The following ACSS3 variants were observed in gnomAD, a reference collection of about 807,000 sequenced individuals.
The protein encoded by ACSS3 is acyl-CoA synthetase short-chain family member 3, mitochondrial.
A neutral mutation model predicts 84.2 loss-of-function variants in ACSS3; 64 were observed. The ratio of observed to expected loss-of-function variants is 0.76; its 90% CI spans 0.62 to 0.94. The LOEUF is 0.94. Ranked by LOEUF, ACSS3 falls within the 40% of genes least tolerant of loss-of-function variation. The pLI, the probability that ACSS3 is intolerant of heterozygous loss-of-function variation, is 0.00. For synonymous variants in ACSS3, 317 were observed against 310.1 expected, an observed-to-expected ratio of 1.02 and a Z score of -0.23; for missense variants, 815 against 867.6, an observed-to-expected ratio of 0.94 and a Z score of 0.76.
chr12:81,102,885 T>C (rs1227159290), intron 1 of ACSS3, among the ~76,000 whole-genome samples: 1 of 152,064 alleles, frequency 6.6e-6, no homozygotes. Flanking sequence ...TAGATGCTCA[T>C]GTTAGATTCA....
chr12:81,156,230 C>CAT (rs55795302), intron 7 of ACSS3, among the ~76,000 whole-genome samples: 6 of 151,386 alleles, frequency 4.0e-5, no homozygotes, highest in African/African-American at 1.5e-4. Context: ...CACACACACA[C>CAT]GTCTCTGGGT....
chr12:81,189,424 C>T (rs2135867150), intron 8 of ACSS3, among the ~76,000 whole-genome samples: 1 of 152,180 alleles, frequency 6.6e-6, no homozygotes, highest in East Asian at 1.9e-4. Flanking sequence ...ATCTCATTAT[C>T]ATTTAATTTT....
intron 12 of ACSS3, among the ~76,000 whole-genome samples, chr12:81,231,346 T>C (rs142260251): frequency 2.0e-5 from 3 of 151,954 alleles, no homozygotes; most frequent in Admixed American, 2.0e-4. Context: ...TCTCTAGACA[T>C]AGAAATTTAT....
chr12:81,078,699 A>G lies in ACSS3; in HGVS notation c.311+268A>G, dbSNP rs187169558. 7.9e-5 allele frequency among the ~76,000 whole-genome samples: 12 copies of G among 152,232 alleles called. No individual in the cohort carries two copies. In the East Asian group the frequency reaches 2.1e-3, roughly 27 times the overall value. On this transcript the variant is annotated intron_variant, in intron 1 of 15. Coordinates refer to ENST00000548058, the MANE Select transcript of ACSS3 (RefSeq NM_024560.4). Reference sequence around the variant, plus strand: ...GGCAAGGTTCTGCTTTGGCAGTGGGAATAGTAAGAAAACTAAAACAAGATC... The same window carrying G: ...GGCAAGGTTCTGCTTTGGCAGTGGGGATAGTAAGAAAACTAAAACAAGATC...
intron 7 of ACSS3, among the ~76,000 whole-genome samples, chr12:81,155,336 A>G (rs566412529): frequency 2.6e-5 from 4 of 152,120 alleles, no homozygotes; most frequent in South Asian, 2.1e-4. Flanking sequence ...CAAGCAGTTT[A>G]TATTTGAGGA....
At chr12:81,219,794 A>G (rs1167787643) in intron 10 of ACSS3, among the ~76,000 whole-genome samples, 1 of 152,016 alleles carries the variant, frequency 6.6e-6, no homozygotes, top group South Asian at 2.1e-4. Context: ...CATTTAAGGG[A>G]TATTCTGAAG....
chr12:81,182,899 A>G (rs1183136308), intron 8 of ACSS3, among the ~76,000 whole-genome samples: 1 of 152,106 alleles, frequency 6.6e-6, no homozygotes, highest in African/African-American at 2.4e-5. Flanking sequence ...TCAAATGCAC[A>G]TCATGCTCAC....
intron 8 of ACSS3, among the ~76,000 whole-genome samples, chr12:81,185,555 T>A (rs2031209765): frequency 6.6e-6 from 1 of 151,114 alleles, no homozygotes; most frequent in Non-Finnish European, 1.5e-5. Flanking sequence ...ATGATCTAAC[T>A]GAAAAGAAAT....
Position 81,256,313 on chromosome 12 carries a change from A to T in ACSS3, c.*1391A>T, listed in dbSNP as rs1460444409. 6.6e-6 allele frequency: 1 copy of T among 152,186 alleles called. No individual in the cohort carries two copies. Among genetic ancestry groups the T allele is most frequent in the African/African-American group, 2.4e-5 (1 of 41,456 alleles). The allele number at this position is 152,186 out of a possible 1,614,324, so 9.4% of individuals were successfully genotyped here. On this transcript the variant is annotated 3_prime_UTR_variant, in exon 16 of 16. Coordinates refer to ENST00000548058, the MANE Select transcript of ACSS3 (RefSeq NM_024560.4). ...ATAATAACTCATTAAAAATATTGTA[A>T]TGTCCAAAAGTATCTTTCCATTTAA... is the stretch of plus-strand genomic sequence containing the variant.
chr12:81,176,662 A>G (rs2030501285), intron 8 of ACSS3, among the ~76,000 whole-genome samples: 1 of 152,122 alleles, frequency 6.6e-6, no homozygotes, highest in South Asian at 2.1e-4. Context: ...AGTTCTGAAA[A>G]TGAATCAGTA....
At chr12:81,120,084 C>T (rs1884449763) in intron 2 of ACSS3, among the ~76,000 whole-genome samples, 1 of 152,054 alleles carries the variant, frequency 6.6e-6, no homozygotes, top group Non-Finnish European at 1.5e-5. Context: ...GAAGTGTGTG[C>T]CCCACACATA....
chr12:81,081,217 A>G (rs1880953517), intron 1 of ACSS3, among the ~76,000 whole-genome samples: 1 of 152,246 alleles, frequency 6.6e-6, no homozygotes. Flanking sequence ...GCAATATTCT[A>G]TGCATGCAGT....
chr12:81,129,960 C>A (rs1885382814), intron 2 of ACSS3, among the ~76,000 whole-genome samples: 1 of 152,012 alleles, frequency 6.6e-6, no homozygotes, highest in African/African-American at 2.4e-5. Flanking sequence ...TGAACTCATC[C>A]TTTTTTATGG....
intron 1 of ACSS3, among the ~76,000 whole-genome samples, chr12:81,108,264 AATT>A (rs1555245678): frequency 2.0e-4 from 28 of 142,334 alleles, no homozygotes; most frequent in African/African-American, 6.1e-4. Flanking sequence ...TATTATTATT[AATT>A]ATTATTATTA....
chr12:81,147,828 A>AT (rs1886412761), intron 5 of ACSS3, among the ~76,000 whole-genome samples: 1 of 151,586 alleles, frequency 6.6e-6, no homozygotes, highest in South Asian at 2.1e-4. Flanking sequence ...AATAAAATTT[A>AT]TTTTCCCCCT....
At chr12:81,166,779 A>G (rs1375269299) in intron 7 of ACSS3, among the ~76,000 whole-genome samples, 1 of 152,206 alleles carries the variant, frequency 6.6e-6, no homozygotes, top group African/African-American at 2.4e-5. Flanking sequence ...AAAGAATTGG[A>G]TGTTATGGAG....
At chr12:81,245,887 CT>C (rs988425503) in intron 13 of ACSS3, among the ~76,000 whole-genome samples, 51 of 152,248 alleles carry the variant, frequency 3.3e-4, no homozygotes, top group African/African-American at 1.2e-3. Context: ...CCAGAGGTCC[CT>C]TTTCCCTCTT....
chr12:81,114,301 C>A (rs1000690120), intron 2 of ACSS3, among the ~76,000 whole-genome samples: 4 of 152,076 alleles, frequency 2.6e-5, no homozygotes, highest in Admixed American at 2.6e-4. Context: ...CTATAAAGGT[C>A]AAAAAATTTA....
At chr12:81,198,326 G>C (rs1318860996) in intron 8 of ACSS3, among the ~76,000 whole-genome samples, 1 of 152,096 alleles carries the variant, frequency 6.6e-6, no homozygotes, top group Non-Finnish European at 1.5e-5. Flanking sequence ...AAGAAGTCTA[G>C]AATGAGATAC....
Sources: gnomAD v4.1 joint callset for allele counts (sites outside exome capture counted in the v4.1 genomes callset) on GRCh38, gnomAD v4.1.1 for gene constraint, MANE v1.5 for transcripts, NCBI Gene and HGNC (gene_info 2026-07-23, HGNC 2026-07-21) for gene names.